PRKN: variants seen among roughly 807,000 people sequenced by gnomAD.
PRKN encodes the protein E3 ubiquitin-protein ligase parkin.
A neutral mutation model predicts 59.5 loss-of-function variants in PRKN; 56 were observed. The ratio of observed to expected loss-of-function variants is 0.94; its 90% CI spans 0.76 to 1.18. PRKN has a LOEUF of 1.18. Ranked by LOEUF, PRKN falls within the 50% of genes most tolerant of loss-of-function variation. PRKN has a pLI of 0.00. For synonymous variants in PRKN, 250 were observed against 222.1 expected (o/e 1.13, Z -1.12); for missense variants, 657 against 596.4 (o/e 1.10, Z -1.06).
At chr6:161,895,196 C>G (rs1051219486) in intron 6 of PRKN, among the ~76,000 whole-genome samples, 1 of 152,170 alleles carries the variant, frequency 6.6e-6, no homozygotes, top group South Asian at 2.1e-4. Flanking sequence ...AAATTGAATT[C>G]CAACCCTAGC....
intron 3 of PRKN, among the ~76,000 whole-genome samples, chr6:162,232,270 G>C (rs1778456101): frequency 6.6e-6 from 1 of 152,130 alleles, no homozygotes; most frequent in South Asian, 2.1e-4. Flanking sequence ...GCCTGTTGAA[G>C]GCTATGTGCT....
intron 3 of PRKN, among the ~76,000 whole-genome samples, chr6:162,227,240 C>T (rs1410274926): frequency 6.6e-6 from 1 of 152,188 alleles, no homozygotes; most frequent in Non-Finnish European, 1.5e-5. Flanking sequence ...CATCCACACC[C>T]TTTACTCATT....
Position 162,201,253 on chromosome 6 carries a change from CT to C in PRKN, c.413-2del, listed in dbSNP as rs1220680875. On this transcript the variant is annotated splice_acceptor_variant, in intron 3 of 11. Coordinates refer to ENST00000366898, the MANE Select transcript of PRKN (RefSeq NM_004562.3). LOFTEE classifies it high-confidence loss of function. ...AAGCTGTTGTAGATTGATCTACCTGCTGGAGAAGAAAAAGCAGAAGAAGTGG... is the reference window on the plus strand; with the variant it reads ...AAGCTGTTGTAGATTGATCTACCTGCGGAGAAGAAAAAGCAGAAGAAGTGG... The C allele has an allele frequency of 1.9e-6, 3 of 1,613,638 alleles. No individual in the cohort carries two copies. The South Asian group carries it at 3.3e-5, about 18-fold the overall frequency.
At chr6:162,398,850 T>G (rs986187443) in intron 2 of PRKN, among the ~76,000 whole-genome samples, 2 of 152,254 alleles carry the variant, frequency 1.3e-5, no homozygotes, top group African/African-American at 4.8e-5. Flanking sequence ...TCTCCAGATA[T>G]TCTATTTAAG....
chr6:162,085,156 A>G (rs1280365831), intron 4 of PRKN, among the ~76,000 whole-genome samples: 1 of 149,690 alleles, frequency 6.7e-6, no homozygotes, highest in Non-Finnish European at 1.5e-5. Context: ...CATACGAGAT[A>G]GGCTTTTTAA....
intron 6 of PRKN, among the ~76,000 whole-genome samples, chr6:161,791,246 G>A (rs929879883): frequency 1.3e-5 from 2 of 152,096 alleles, no homozygotes; most frequent in South Asian, 2.1e-4. Flanking sequence ...GATAAAAAGC[G>A]ACCCTTTGTT....
chr6:162,439,809 GTTT>G (rs59735210), intron 2 of PRKN, among the ~76,000 whole-genome samples: 45 of 151,902 alleles, frequency 3.0e-4, no homozygotes, highest in Middle Eastern at 3.4e-3. Context: ...GTTTTCTCTA[GTTT>G]TTTTATTATA....
intron 8 of PRKN, among the ~76,000 whole-genome samples, chr6:161,558,630 T>C (rs191873066): frequency 6.6e-6 from 1 of 152,062 alleles, no homozygotes; most frequent in East Asian, 1.9e-4. Context: ...TGAAAAATAG[T>C]TTATTATAGA....
At chr6:161,986,872 C>T (rs1409093719) in intron 5 of PRKN, among the ~76,000 whole-genome samples, 1 of 152,056 alleles carries the variant, frequency 6.6e-6, no homozygotes, top group Non-Finnish European at 1.5e-5. Context: ...CTTTTGATAG[C>T]AATACTTCAC....
chr6:162,145,811 T>G (rs1782000492), intron 4 of PRKN, among the ~76,000 whole-genome samples: 1 of 152,076 alleles, frequency 6.6e-6, no homozygotes, highest in South Asian at 2.1e-4. Flanking sequence ...AAGGTCATAC[T>G]CCTAAACAAA....
intron 4 of PRKN, among the ~76,000 whole-genome samples, chr6:162,073,948 T>C (rs1428617669): frequency 5.9e-5 from 9 of 151,998 alleles, no homozygotes; most frequent in Admixed American, 1.3e-4. Context: ...CTCACACCAG[T>C]TAGAATGGCA....
chr6:162,698,170 C>T (rs1465716363), intron 1 of PRKN, among the ~76,000 whole-genome samples: 2 of 152,218 alleles, frequency 1.3e-5, no homozygotes, highest in African/African-American at 4.8e-5. Context: ...CATACAAAGG[C>T]ATACGTGTCC....
intron 1 of PRKN, among the ~76,000 whole-genome samples, chr6:162,532,475 T>G (rs1778554392): frequency 6.6e-6 from 1 of 152,186 alleles, no homozygotes; most frequent in Non-Finnish European, 1.5e-5. Context: ...ATCTTTTTTG[T>G]GCTCAGGTTT....
At chr6:161,609,774 T>C (rs1782420582) in intron 7 of PRKN, among the ~76,000 whole-genome samples, 1 of 152,220 alleles carries the variant, frequency 6.6e-6, no homozygotes, top group Non-Finnish European at 1.5e-5. Context: ...AGGTCTGTGC[T>C]GGACTCAGCT....
intron 4 of PRKN, among the ~76,000 whole-genome samples, chr6:162,078,798 GA>G: frequency 6.6e-6 from 1 of 152,052 alleles, no homozygotes; most frequent in Middle Eastern, 3.4e-3. Context: ...ATAAGATAGG[GA>G]CATCACAACT....
intron 6 of PRKN, among the ~76,000 whole-genome samples, chr6:161,815,406 T>C (rs1327948184): frequency 6.6e-6 from 1 of 152,218 alleles, no homozygotes. Flanking sequence ...GGGCTGATTA[T>C]AGGTTACTTA....
intron 1 of PRKN, among the ~76,000 whole-genome samples, chr6:162,626,999 G>A (rs1252006139): frequency 2.0e-5 from 3 of 152,220 alleles, no homozygotes; most frequent in Admixed American, 6.5e-5. Context: ...TGTTTTAAAC[G>A]TAGTATGTCC....
chr6:161,838,334 G>A (rs967838501), intron 6 of PRKN, among the ~76,000 whole-genome samples: 4 of 152,134 alleles, frequency 2.6e-5, no homozygotes, highest in African/African-American at 4.8e-5. Flanking sequence ...ATAAAACAGC[G>A]GGGCACTCTC....
chr6:161,705,591 T>C (rs1489673450), intron 7 of PRKN, among the ~76,000 whole-genome samples: 1 of 152,156 alleles, frequency 6.6e-6, no homozygotes, highest in African/African-American at 2.4e-5. Flanking sequence ...CGGTAGGTCC[T>C]TGATATATAA....
Sources: allele counts gnomAD v4.1 joint callset (sites outside exome capture counted in the v4.1 genomes callset), GRCh38; gene constraint gnomAD v4.1.1; transcripts MANE v1.5; gene names NCBI Gene and HGNC (gene_info 2026-07-23, HGNC 2026-07-21).